CPNE8: variants seen among roughly 807,000 people sequenced by gnomAD.
CPNE8 encodes the protein copine 8.
Under a neutral mutation model 81.5 loss-of-function variants are expected in CPNE8, and 45 were observed. That is an observed-to-expected ratio of 0.55 (90% CI 0.44 to 0.71). The LOEUF (loss-of-function observed/expected upper bound fraction) is 0.71, where lower values mean the gene tolerates loss of function less well. CPNE8 is among the 30% of genes least tolerant of loss of function. The probability of loss-of-function intolerance (pLI) is 0.00; values close to 1 mark genes in which losing one functional copy is unlikely to be tolerated. For missense variants in CPNE8, 594 were observed against 672.1 expected (o/e 0.88, Z 1.28); for synonymous variants, 252 against 226.3 (o/e 1.11, Z -1.02).
At chr12:38,669,083 C>G (rs369934722) in intron 19 of CPNE8, among the ~76,000 whole-genome samples, 1 of 151,796 alleles carries the variant, frequency 6.6e-6, no homozygotes, top group African/African-American at 2.4e-5. Flanking sequence ...AACACACACA[C>G]GCATAATGAG....
intron 6 of CPNE8, among the ~76,000 whole-genome samples, chr12:38,819,206 C>T (rs368546878): frequency 6.6e-6 from 1 of 152,114 alleles, no homozygotes; most frequent in Non-Finnish European, 1.5e-5. Flanking sequence ...GAAGTCTTTG[C>T]CCATGCCTAT....
chr12:38,900,313 C>T (rs1185475970), intron 1 of CPNE8, among the ~76,000 whole-genome samples: 1 of 152,080 alleles, frequency 6.6e-6, no homozygotes, highest in African/African-American at 2.4e-5. Flanking sequence ...GGTCCCATCC[C>T]CAGAGATTTT....
intron 13 of CPNE8, among the ~76,000 whole-genome samples, chr12:38,705,921 A>G (rs570725828): frequency 7.6e-4 from 115 of 152,272 alleles, no homozygotes; most frequent in African/African-American, 2.6e-3. Context: ...ATATACATAT[A>G]TCATAAGATA....
chr12:38,841,768 T>A (rs1943471060), intron 4 of CPNE8, among the ~76,000 whole-genome samples: 1 of 152,168 alleles, frequency 6.6e-6, no homozygotes, highest in Non-Finnish European at 1.5e-5. Context: ...TGCTTGAAAA[T>A]GTCCATGATA....
chr12:38,730,449 A>G (rs889790842), intron 10 of CPNE8, 91 bp from the exon 11 acceptor site: 2 of 621,946 alleles, frequency 3.2e-6, no homozygotes, highest in Non-Finnish European at 5.6e-6. Flanking sequence ...ATCATTATCA[A>G]AAAAATGCTT....
intron 18 of CPNE8, among the ~76,000 whole-genome samples, chr12:38,672,496 C>T (rs991569915): frequency 6.6e-6 from 1 of 152,102 alleles, no homozygotes; most frequent in Non-Finnish European, 1.5e-5. Context: ...AGATTATGAA[C>T]CCCAGTCTCC....
intron 3 of CPNE8, among the ~76,000 whole-genome samples, chr12:38,863,633 T>G (rs1347751037): frequency 6.6e-6 from 1 of 152,204 alleles, no homozygotes; most frequent in Admixed American, 6.5e-5. Flanking sequence ...GGAAACATTA[T>G]GGAAATACGT....
intron 1 of CPNE8, among the ~76,000 whole-genome samples, chr12:38,897,055 T>C (rs1400790380): frequency 6.6e-6 from 1 of 151,996 alleles, no homozygotes; most frequent in African/African-American, 2.4e-5. Context: ...GGAAATGAGG[T>C]TCCAAAAGTT....
chr12:38,836,144 A>G (rs528161359), intron 5 of CPNE8, among the ~76,000 whole-genome samples: 7 of 152,256 alleles, frequency 4.6e-5, no homozygotes, highest in African/African-American at 1.7e-4. Context: ...TACCTTACAG[A>G]ACAAACTCAG....
At chr12:38,790,657 C>T (rs1016264726) in intron 6 of CPNE8, among the ~76,000 whole-genome samples, 1 of 151,536 alleles carries the variant, frequency 6.6e-6, no homozygotes, top group Admixed American at 6.6e-5. Flanking sequence ...ACCATATTTT[C>T]CATGATGTGA....
At chr12:38,738,819 CTT>C (rs60435915) in intron 10 of CPNE8, among the ~76,000 whole-genome samples, 2 of 141,406 alleles carry the variant, frequency 1.4e-5, no homozygotes, top group Admixed American at 7.2e-5. Flanking sequence ...TTTTTTTTTT[CTT>C]TTTTTTTTTT....
intron 10 of CPNE8, among the ~76,000 whole-genome samples, chr12:38,760,108 C>A (rs146371982): frequency 3.3e-5 from 5 of 152,180 alleles, no homozygotes; most frequent in Non-Finnish European, 7.4e-5. Flanking sequence ...TAAAAGTAAC[C>A]TTTGCTTTCC....
intron 2 of CPNE8, among the ~76,000 whole-genome samples, chr12:38,874,209 C>A (rs1044079454): frequency 6.6e-6 from 1 of 151,958 alleles, no homozygotes; most frequent in Non-Finnish European, 1.5e-5. Flanking sequence ...TAATTTCTAC[C>A]AAATGGCCAT....
intron 19 of CPNE8, among the ~76,000 whole-genome samples, chr12:38,658,796 A>T (rs533712930): frequency 6.6e-6 from 1 of 152,296 alleles, no homozygotes; most frequent in South Asian, 2.1e-4. Flanking sequence ...ATCCAGCCAA[A>T]CTAAGCTTCA....
At chr12:38,706,460 A>G (rs1940109348) in intron 13 of CPNE8, among the ~76,000 whole-genome samples, 1 of 152,194 alleles carries the variant, frequency 6.6e-6, no homozygotes, top group Non-Finnish European at 1.5e-5. Context: ...TATAGACAGT[A>G]AATATTCTTA....
intron 1 of CPNE8, among the ~76,000 whole-genome samples, chr12:38,904,015 G>A (rs958601794): frequency 6.6e-6 from 1 of 152,090 alleles, no homozygotes; most frequent in Non-Finnish European, 1.5e-5. Flanking sequence ...CTTCTACTAC[G>A]GTTGCTGGTG....
At chr12:38,836,946 C>A (rs1326546472) in intron 5 of CPNE8, among the ~76,000 whole-genome samples, 1 of 152,136 alleles carries the variant, frequency 6.6e-6, no homozygotes, top group Non-Finnish European at 1.5e-5. Flanking sequence ...ACACATTTTT[C>A]TTCTCTTTCG....
chr12:38,771,298 CA>C (rs56772312), intron 7 of CPNE8, among the ~76,000 whole-genome samples: 6,868 of 131,302 alleles, frequency 0.052, 358 homozygotes, highest in East Asian at 0.27. Flanking sequence ...ACATCTCTAT[CA>C]AAAAAAAAAA....
chr12:38,897,844 CACTT>C lies in CPNE8; in HGVS notation c.98+7589_98+7592del, dbSNP rs1025394790. Among the ~76,000 whole-genome samples the C allele has an allele frequency of 4.6e-5, 7 of 152,154 alleles. No individual in the cohort carries two copies. In the East Asian group the frequency reaches 1.4e-3, roughly 29 times the overall value. ...TAATGTCACAAGCAGTGTTTTATCTCACTTACATGTATTAACTTATTTAATCCTC... is the reference window on the plus strand; with the variant it reads ...TAATGTCACAAGCAGTGTTTTATCTCACATGTATTAACTTATTTAATCCTC... On this transcript the variant is annotated intron_variant, in intron 1 of 19. Coordinates refer to ENST00000331366, the MANE Select transcript of CPNE8 (RefSeq NM_153634.3).
Sources: allele counts gnomAD v4.1 joint callset (sites outside exome capture counted in the v4.1 genomes callset), GRCh38; gene constraint gnomAD v4.1.1; transcripts MANE v1.5; gene names NCBI Gene and HGNC (gene_info 2026-07-23, HGNC 2026-07-21).